Variants in CNTNAP2 observed in about 807,000 individuals in gnomAD.
CNTNAP2 encodes contactin associated protein 2.
In CNTNAP2, 98 loss-of-function variants were observed where a neutral mutation model predicts 155.2. The ratio of observed to expected loss-of-function variants is 0.63; its 90% confidence interval spans 0.54 to 0.75. The LOEUF (loss-of-function observed/expected upper bound fraction) is 0.75, where lower values mean the gene tolerates loss of function less well. Ranked by LOEUF, CNTNAP2 falls within the 30% of genes least tolerant of loss-of-function variation. The pLI, the probability that CNTNAP2 is intolerant of heterozygous loss-of-function variation, is 0.00. For synonymous variants in CNTNAP2, 651 were observed against 631.2 expected (o/e 1.03, Z -0.47); for missense variants, 1,727 against 1,688.1 (o/e 1.02, Z -0.40).
chr7:148,252,161 A>G (rs1796374338), intron 20 of CNTNAP2, among the ~76,000 whole-genome samples: 1 of 152,248 alleles, frequency 6.6e-6, no homozygotes, highest in African/African-American at 2.4e-5. Flanking sequence ...GCCCAGAATC[A>G]CCCTACTCTT....
rs34652048 is a variant in CNTNAP2, at chr7:146,661,732, C to CT, written c.98-112527dup. Among the ~76,000 whole-genome samples, 1,132 of 144,832 alleles carry CT rather than the reference C, an allele frequency of 7.8e-3. 9 individuals carry two copies. The highest frequency in any genetic ancestry group is 0.03 in the South Asian group (138 of 4,636). ...TTTCTTTTTCTTTCTTTCTTTCTTT[C>CT]TTTTTTTTTTTTAAATAAAGCTGCA... On this transcript the variant is annotated intron_variant, in intron 1 of 23. Coordinates refer to ENST00000361727, the MANE Select transcript of CNTNAP2 (RefSeq NM_014141.6).
At chr7:147,755,577 G>A (rs1045018353) in intron 13 of CNTNAP2, among the ~76,000 whole-genome samples, 3 of 152,174 alleles carry the variant, frequency 2.0e-5, no homozygotes, top group Non-Finnish European at 2.9e-5. Context: ...TGCTGAACCC[G>A]AGAGGTGGAG....
At chr7:148,145,752 T>A (rs1805165407) in intron 16 of CNTNAP2, among the ~76,000 whole-genome samples, 1 of 152,198 alleles carries the variant, frequency 6.6e-6, no homozygotes, top group Non-Finnish European at 1.5e-5. Flanking sequence ...TATTATCATC[T>A]TCCTGCATTC....
At chr7:147,243,242 T>A (rs942550205) in intron 8 of CNTNAP2, among the ~76,000 whole-genome samples, 2 of 151,970 alleles carry the variant, frequency 1.3e-5, no homozygotes, top group Admixed American at 1.3e-4. Context: ...ATGATCCACC[T>A]GCCCTGGACT....
At chr7:147,767,194 T>G (rs989473034) in intron 13 of CNTNAP2, among the ~76,000 whole-genome samples, 2 of 152,134 alleles carry the variant, frequency 1.3e-5, no homozygotes, top group Non-Finnish European at 2.9e-5. Context: ...AAGTACAATA[T>G]GTAAACAGAA....
intron 11 of CNTNAP2, among the ~76,000 whole-genome samples, chr7:147,494,210 A>G (rs937728068): frequency 6.6e-6 from 1 of 152,142 alleles, no homozygotes; most frequent in Non-Finnish European, 1.5e-5. Context: ...CTGGGTAGAA[A>G]TGTTGGAAGG....
chr7:147,792,580 T>C (rs1797837128), intron 13 of CNTNAP2, among the ~76,000 whole-genome samples: 1 of 152,180 alleles, frequency 6.6e-6, no homozygotes. Flanking sequence ...TGTATGACTA[T>C]GCCACGTTTT....
chr7:147,234,539 C>T (rs1476386960), intron 8 of CNTNAP2, among the ~76,000 whole-genome samples: 1 of 151,976 alleles, frequency 6.6e-6, no homozygotes, highest in African/African-American at 2.4e-5. Context: ...CAGGGTTTCA[C>T]CGTGTTAGCC....
At chr7:146,518,526 A>G (rs1358456602) in intron 1 of CNTNAP2, among the ~76,000 whole-genome samples, 7 of 151,958 alleles carry the variant, frequency 4.6e-5, no homozygotes, top group African/African-American at 1.7e-4. Context: ...TGAGCTCTGC[A>G]TGTAGAAAAT....
chr7:147,900,017 C>G (rs1047789345), intron 13 of CNTNAP2, among the ~76,000 whole-genome samples: 3 of 152,164 alleles, frequency 2.0e-5, no homozygotes, highest in African/African-American at 7.2e-5. Context: ...ACCTGAAACT[C>G]CTTTCATCAA....
At chr7:146,597,024 T>C (rs960479284) in intron 1 of CNTNAP2, among the ~76,000 whole-genome samples, 1 of 151,990 alleles carries the variant, frequency 6.6e-6, no homozygotes, top group Non-Finnish European at 1.5e-5. Context: ...TCCAAGATAC[T>C]TTCAAAAATA....
At chr7:147,549,343 TTTTA>T (rs1271665432) in intron 11 of CNTNAP2, among the ~76,000 whole-genome samples, 1 of 152,044 alleles carries the variant, frequency 6.6e-6, no homozygotes, top group African/African-American at 2.4e-5. Context: ...ATTCCTAGGT[TTTTA>T]TTCTCTTTGT....
At chr7:146,502,231 A>ATGTGTGTG (rs201001456) in intron 1 of CNTNAP2, among the ~76,000 whole-genome samples, 8 of 64,968 alleles carry the variant, frequency 1.2e-4, no homozygotes, top group Admixed American at 3.8e-4. Flanking sequence ...ATGAATATAT[A>ATGTGTGTG]TATATATATA....
intron 15 of CNTNAP2, among the ~76,000 whole-genome samples, chr7:148,037,962 G>T (rs1275071383): frequency 6.6e-6 from 1 of 152,196 alleles, no homozygotes; most frequent in Non-Finnish European, 1.5e-5. Flanking sequence ...GGTACTACCT[G>T]TGGTTTCAGG....
At chr7:147,291,103 C>A (rs1207943292) in intron 8 of CNTNAP2, among the ~76,000 whole-genome samples, 2 of 152,108 alleles carry the variant, frequency 1.3e-5, no homozygotes, top group Non-Finnish European at 2.9e-5. Flanking sequence ...TGCCCACCTT[C>A]CCATAGACAG....
At chr7:147,562,739 A>G (rs1420067681) in intron 12 of CNTNAP2, among the ~76,000 whole-genome samples, 1 of 152,202 alleles carries the variant, frequency 6.6e-6, no homozygotes, top group East Asian at 1.9e-4. Flanking sequence ...TTTATGAAAT[A>G]TATTTGGGCT....
Position 146,603,571 on chromosome 7 carries a change from A to C in CNTNAP2, c.98-170700A>C, listed in dbSNP as rs1402131250. On this transcript the variant is annotated intron_variant, in intron 1 of 23. Transcript: ENST00000361727. ...TTTCTTCACAGAATTGGAAAAAACT[A>C]CTTTAAAGTTCATATGGAACCAAAA... is the stretch of plus-strand genomic sequence containing the variant. Among the ~76,000 whole-genome samples the C allele has an allele frequency of 1.3e-5, 2 of 150,374 alleles. 1 individual carries two copies. The highest frequency in any genetic ancestry group is 3.0e-5 in the Non-Finnish European group (2 of 67,616).
intron 16 of CNTNAP2, 44 bp downstream of exon 16, chr7:148,118,332 C>T (rs1804521009): frequency 3.7e-6 from 6 of 1,607,720 alleles, no homozygotes; most frequent in South Asian, 1.1e-5. Flanking sequence ...CCACTTTCGT[C>T]ACCTCAGGGT....
At chr7:146,482,206 G>GAAAAAAA (rs749887909) in intron 1 of CNTNAP2, among the ~76,000 whole-genome samples, 20 of 82,124 alleles carry the variant, frequency 2.4e-4, no homozygotes, top group African/African-American at 2.9e-4. Context: ...CTAAGAATTA[G>GAAAAAAA]AAAAAAAAAA....
Sources: gnomAD v4.1 joint callset for allele counts (sites outside exome capture counted in the v4.1 genomes callset) on GRCh38, gnomAD v4.1.1 for gene constraint, MANE v1.5 for transcripts, NCBI Gene and HGNC (gene_info 2026-07-23, HGNC 2026-07-21) for gene names.